Variants in SHROOM3 observed in about 807,000 individuals in gnomAD.
SHROOM3 encodes the protein protein Shroom3.
SHROOM3 carries 47 observed loss-of-function variants against 138.6 expected under a neutral mutation model. The observed-to-expected ratio is 0.34, with a 90% CI of 0.27 to 0.43. The LOEUF (loss-of-function observed/expected upper bound fraction) is 0.43, where lower values mean the gene tolerates loss of function less well. SHROOM3 is among the 20% of genes least tolerant of loss of function. The pLI is 1.00. For synonymous variants in SHROOM3, 1,062 were observed against 1,063.3 expected, an observed-to-expected ratio of 1.00 and a Z score of 0.02; for missense variants, 2,491 against 2,596.5, an observed-to-expected ratio of 0.96 and a Z score of 0.88.
At chr4:76,567,205 T>G (rs1003839266) in intron 2 of SHROOM3, among the ~76,000 whole-genome samples, 3 of 152,204 alleles carry the variant, frequency 2.0e-5, no homozygotes, top group African/African-American at 7.2e-5. Flanking sequence ...CTATGTTGTT[T>G]TCATGAAGAC....
At chr4:76,605,919 C>G (rs1373161215) in intron 2 of SHROOM3, among the ~76,000 whole-genome samples, 1 of 140,614 alleles carries the variant, frequency 7.1e-6, no homozygotes, top group Non-Finnish European at 1.5e-5. Context: ...AATTTTCTCT[C>G]TCTCTCTCTC....
intron 1 of SHROOM3, among the ~76,000 whole-genome samples, chr4:76,472,416 C>G (rs1352949793): frequency 6.6e-6 from 1 of 152,082 alleles, no homozygotes; most frequent in Non-Finnish European, 1.5e-5. Context: ...CTTCAAGAAC[C>G]ACAGTCTTGT....
rs543956071 is a variant in SHROOM3 at position 76,773,623 on chromosome 4, G to A, written c.5622+2725G>A. Among the ~76,000 whole-genome samples the A allele has an allele frequency of 5.3e-5, 8 of 152,266 alleles. No individual in the cohort carries two copies. The East Asian group carries it at 1.5e-3, about 29-fold the overall frequency. ...CCTGATCAGAACCATAGCTGCAGCT[G>A]CCCTATAGCACTGAGGCCCTGGTAA... is the stretch of plus-strand genomic sequence containing the variant. On this transcript the variant is annotated intron_variant, in intron 10 of 10. Transcript: ENST00000296043.
At chr4:76,478,874 C>T (rs1313118849) in intron 1 of SHROOM3, among the ~76,000 whole-genome samples, 1 of 152,130 alleles carries the variant, frequency 6.6e-6, no homozygotes, top group Non-Finnish European at 1.5e-5. Flanking sequence ...TCTAGCAGAC[C>T]TGCAGCAGAG....
At chr4:76,654,786 A>G (rs28515950) in intron 2 of SHROOM3, among the ~76,000 whole-genome samples, 47,202 of 152,056 alleles carry the variant, frequency 0.31, 7,453 homozygotes, top group East Asian at 0.43. Flanking sequence ...CCTATCCTAT[A>G]GGAAATATAT....
In SHROOM3 at chr4:76,741,636, C is replaced by T; in HGVS notation, c.3463C>T (p.Leu1155Phe). Residue 1155 changes from leucine to phenylalanine, a missense_variant, in exon 5 of 11, where the codon CTC (leucine) becomes TTC (phenylalanine). Physicochemically the swap from Leu to Phe is conservative, Grantham distance 22 (BLOSUM62 0). Around this residue, in one of 4 missense-constraint regions of SHROOM3, gnomAD observed 1,733 missense variants for 1,661.6 expected, o/e 1.04. Coordinates refer to ENST00000296043, the MANE Select transcript of SHROOM3 (RefSeq NM_020859.4). The surrounding 1 kb of genome is among the most constrained non-coding windows in gnomAD (Gnocchi z 6.2). ...CCTGCAGCCCCGCAGGGAGGCCACG[C>T]TCCTGCCGGCCACAGTTGCAGAAAC... ...PSLQPRREATLLPATVAETQQ... is the reference protein window; with the variant it reads ...PSLQPRREATFLPATVAETQQ... 1 of 1,543,798 alleles carries T rather than the reference C, an allele frequency of 6.5e-7. No homozygotes were observed. Among genetic ancestry groups the T allele is most frequent in the South Asian group, 1.2e-5 (1 of 84,330 alleles).
At chr4:76,437,703 C>T (rs1315496929) in intron 1 of SHROOM3, among the ~76,000 whole-genome samples, 1 of 152,134 alleles carries the variant, frequency 6.6e-6, no homozygotes, top group Non-Finnish European at 1.5e-5. Context: ...ACCTACTCTT[C>T]CTGAAGTCAA....
At chr4:76,605,502 G>A (rs916223365) in intron 2 of SHROOM3, among the ~76,000 whole-genome samples, 5 of 151,834 alleles carry the variant, frequency 3.3e-5, no homozygotes, top group African/African-American at 1.2e-4. Context: ...AGAACAGGCA[G>A]GTATGACTCA....
At chr4:76,469,737 G>A in intron 1 of SHROOM3, among the ~76,000 whole-genome samples, 1 of 152,212 alleles carries the variant, frequency 6.6e-6, no homozygotes, top group Non-Finnish European at 1.5e-5. Context: ...GATTACAGGC[G>A]TGAGCCACCA....
At chr4:76,693,370 GTTTTTTT>G (rs10648549) in intron 2 of SHROOM3, among the ~76,000 whole-genome samples, 2 of 79,834 alleles carry the variant, frequency 2.5e-5, no homozygotes, top group Non-Finnish European at 2.2e-5. Context: ...TGATAAGTTT[GTTTTTTT>G]TTTTTTTTTT....
intron 10 of SHROOM3, 105 bp from the exon 11 acceptor site, chr4:76,778,704 A>T: frequency 1.3e-6 from 2 of 1,487,660 alleles, no homozygotes; most frequent in Admixed American, 3.5e-5. Context: ...CAATAGGAAT[A>T]GAGCTTAGAT....
chr4:76,443,206 C>A (rs917040012), intron 1 of SHROOM3, among the ~76,000 whole-genome samples: 1 of 152,068 alleles, frequency 6.6e-6, no homozygotes, highest in Non-Finnish European at 1.5e-5. Context: ...TTGATATTTC[C>A]TATCAATGTT....
At chr4:76,539,382 T>C (rs1476471350) in intron 1 of SHROOM3, among the ~76,000 whole-genome samples, 1 of 152,206 alleles carries the variant, frequency 6.6e-6, no homozygotes, top group African/African-American at 2.4e-5. Context: ...AACTTCCAGA[T>C]TGGCATAGAG....
chr4:76,609,284 ATGTT>A (rs1057330125), intron 2 of SHROOM3, among the ~76,000 whole-genome samples: 2 of 152,034 alleles, frequency 1.3e-5, no homozygotes, highest in Non-Finnish European at 2.9e-5. Flanking sequence ...CTGTTTTGGT[ATGTT>A]TGTTTGTTTG....
chr4:76,478,714 C>T (rs1204899531), intron 1 of SHROOM3, among the ~76,000 whole-genome samples: 3 of 152,174 alleles, frequency 2.0e-5, no homozygotes, highest in Admixed American at 1.3e-4. Flanking sequence ...ATGACAGACA[C>T]CTCATATAGG....
At chr4:76,633,524 C>T (rs928379062) in intron 2 of SHROOM3, among the ~76,000 whole-genome samples, 10 of 151,084 alleles carry the variant, frequency 6.6e-5, no homozygotes, top group South Asian at 2.1e-4. Context: ...GGTGTGGTGG[C>T]GGGCGCCTGT....
intron 1 of SHROOM3, among the ~76,000 whole-genome samples, chr4:76,488,085 C>A (rs1013698806): frequency 6.6e-6 from 1 of 152,108 alleles, no homozygotes; most frequent in African/African-American, 2.4e-5. Flanking sequence ...CTAATCTTAG[C>A]TTCTAGTATT....
intron 1 of SHROOM3, among the ~76,000 whole-genome samples, chr4:76,451,516 TA>T (rs1270598836): frequency 2.0e-5 from 3 of 152,212 alleles, no homozygotes; most frequent in African/African-American, 7.2e-5. Flanking sequence ...GGAGACTGAC[TA>T]GGGCACAAGG....
At chr4:76,441,157 C>CAA (rs1560506967) in intron 1 of SHROOM3, among the ~76,000 whole-genome samples, 1 of 135,050 alleles carries the variant, frequency 7.4e-6, no homozygotes, top group African/African-American at 2.7e-5. Flanking sequence ...TGCAGTGGCG[C>CAA]GATCTCGGCT....
Sources: allele counts gnomAD v4.1 joint callset (sites outside exome capture counted in the v4.1 genomes callset), GRCh38; gene constraint gnomAD v4.1.1; regional missense constraint gnomAD v4.1.1; non-coding constraint Gnocchi (gnomAD v3.1); transcripts MANE v1.5; gene names NCBI Gene and HGNC (gene_info 2026-07-23, HGNC 2026-07-21).